Variants in ROS1 observed in about 807,000 individuals in gnomAD.
The protein encoded by ROS1 is proto-oncogene tyrosine-protein kinase ROS.
A neutral mutation model predicts 273.5 loss-of-function variants in ROS1; 263 were observed. The ratio of observed to expected loss-of-function variants is 0.96; its 90% CI spans 0.87 to 1.06. ROS1 has a LOEUF of 1.06. Among genes scored for constraint, ROS1 ranks in the 50% least tolerant of loss-of-function variants. The pLI, the probability that ROS1 is intolerant of heterozygous loss-of-function variation, is 0.00. For missense variants in ROS1, 2,833 were observed against 2,751.1 expected, an observed-to-expected ratio of 1.03 and a Z score of -0.67; for synonymous variants, 1,008 against 954.1, an observed-to-expected ratio of 1.06 and a Z score of -1.04.
At chr6:117,315,071 T>C (rs1775820036) in intron 39 of ROS1, among the ~76,000 whole-genome samples, 1 of 152,150 alleles carries the variant, frequency 6.6e-6, no homozygotes, top group South Asian at 2.1e-4. Context: ...AGTAAAATTT[T>C]GCATCTATGA....
intron 39 of ROS1, among the ~76,000 whole-genome samples, chr6:117,314,152 G>A (rs543416672): frequency 6.6e-6 from 1 of 151,988 alleles, no homozygotes; most frequent in East Asian, 1.9e-4. Flanking sequence ...AAAATTTATT[G>A]TTTAAGATGA....
chr6:117,379,239 T>C (rs1406820498), intron 17 of ROS1, 80 bp from the exon 18 acceptor site: 3 of 795,932 alleles, frequency 3.8e-6, no homozygotes, highest in African/African-American at 1.7e-5. Flanking sequence ...ACTTAAGCTA[T>C]AGATTTCTCT....
chr6:117,389,888 A>T (rs1438540516), intron 12 of ROS1, 42 bp from the exon 13 acceptor site: 1 of 1,548,586 alleles, frequency 6.5e-7, no homozygotes, highest in Non-Finnish European at 8.8e-7. Context: ...TTCAGTCCAA[A>T]GGTTGATGAG....
At position 117,326,398 on chromosome 6, in the gene ROS1, T is replaced by G. The variant is rs1191704312; in HGVS notation, c.5365A>C (p.Asn1789His). The G allele has an allele frequency of 6.5e-7, 1 of 1,548,538 alleles. No individual in the cohort carries two copies. The highest frequency in any genetic ancestry group is 8.7e-7 in the Non-Finnish European group (1 of 1,154,550). Residue 1789 changes from asparagine to histidine, a missense_variant, in exon 34 of 44, where the codon AAT becomes CAT. Coordinates refer to ENST00000368507, the MANE Select transcript of ROS1 (RefSeq NM_001378902.1). ...CACCTTAAATTCTGGTTCTGTAAAT[T>G]ATTTGAAGTGCTCTTTCTGCAAAAA... ...ILEIRKSTSNNLQNQNLRWKM... is the reference protein window; with the variant it reads ...ILEIRKSTSNHLQNQNLRWKM...
rs1017159175 is a variant in ROS1, at chr6:117,287,550, C to A, written c.*942G>T. 6.6e-6 allele frequency among the ~76,000 whole-genome samples: 1 copy of A among 152,194 alleles called. No individual in the cohort carries two copies. Among genetic ancestry groups the A allele is most frequent in the Non-Finnish European group, 1.5e-5 (1 of 68,048 alleles). ...AAAACTTCAGGACTTAAAAGATCTT[C>A]ACAGTCTTATTTTCAACATGACTGA... On this transcript the variant is annotated 3_prime_UTR_variant, in exon 44 of 44. Coordinates refer to ENST00000368507, the MANE Select transcript of ROS1 (RefSeq NM_001378902.1).
intron 1 of ROS1, 34 bp downstream of exon 1, chr6:117,425,500 C>T (rs1183600308): frequency 6.4e-7 from 1 of 1,553,612 alleles, no homozygotes; most frequent in South Asian, 1.3e-5. Context: ...TGTTCTAGTT[C>T]CTGCAAAGAC....
In ROS1 at chr6:117,353,713, C is replaced by T. The variant is rs76276210; in HGVS notation, c.4127-547G>A. On this transcript the variant is annotated intron_variant, in intron 26 of 43. Transcript: ENST00000368507. ...TCAGGAAATTGATTCAAATTTGATACGAACAAATGTAAAATCCTAAATTTA... is the reference window on the plus strand; with the variant it reads ...TCAGGAAATTGATTCAAATTTGATATGAACAAATGTAAAATCCTAAATTTA... Among the ~76,000 whole-genome samples the T allele has an allele frequency of 8.1e-3, 1,236 of 152,168 alleles. 11 individuals are homozygous for T. Among genetic ancestry groups the T allele is most frequent in the African/African-American group, 0.024 (1,015 of 41,524 alleles).
intron 39 of ROS1, among the ~76,000 whole-genome samples, chr6:117,316,757 A>G (rs1441406445): frequency 6.6e-6 from 1 of 152,130 alleles, no homozygotes; most frequent in East Asian, 1.9e-4. Flanking sequence ...TGTCAACTAG[A>G]GAGGGACATA....
At chr6:117,320,887 T>C (rs1477098092) in intron 36 of ROS1, among the ~76,000 whole-genome samples, 1 of 151,378 alleles carries the variant, frequency 6.6e-6, no homozygotes, top group Non-Finnish European at 1.5e-5. Context: ...TGGAGTAAGA[T>C]TGACTTAAGG....
chr6:117,296,062 A>G (rs749825899), intron 43 of ROS1, among the ~76,000 whole-genome samples: 1 of 152,240 alleles, frequency 6.6e-6, no homozygotes, highest in Non-Finnish European at 1.5e-5. Context: ...AGTACTGTTT[A>G]CAATAGCTAA....
intron 19 of ROS1, 32 bp from the exon 20 acceptor site, chr6:117,365,773 G>GA (rs769566002): frequency 1.4e-6 from 2 of 1,458,866 alleles, no homozygotes; most frequent in Non-Finnish European, 1.8e-6. Context: ...AGAAATAGGA[G>GA]AAAAAAATGG....
chr6:117,331,631 A>G (rs1315380441), intron 32 of ROS1, among the ~76,000 whole-genome samples: 4 of 152,224 alleles, frequency 2.6e-5, no homozygotes, highest in Admixed American at 2.6e-4. Context: ...CCATCAGACT[A>G]ACAGTGGACC....
intron 15 of ROS1, 78 bp from the exon 16 acceptor site, chr6:117,385,939 G>A: frequency 9.3e-7 from 1 of 1,079,284 alleles, no homozygotes; most frequent in South Asian, 1.4e-5. Flanking sequence ...AATCACATCT[G>A]CACCTCAACA....
At chr6:117,293,047 T>G (rs548908670) in intron 43 of ROS1, among the ~76,000 whole-genome samples, 9 of 152,332 alleles carry the variant, frequency 5.9e-5, no homozygotes, top group South Asian at 2.1e-4. Context: ...ACATGCTGCT[T>G]CTTCTATCCT....
chr6:117,415,788 C>G (rs1775291437), intron 3 of ROS1, among the ~76,000 whole-genome samples: 1 of 152,052 alleles, frequency 6.6e-6, no homozygotes, highest in Non-Finnish European at 1.5e-5. Context: ...GACCTACGGC[C>G]CTGGTATCCA....
chr6:117,315,975 C>A (rs933809530), intron 39 of ROS1, among the ~76,000 whole-genome samples: 5 of 152,072 alleles, frequency 3.3e-5, no homozygotes, highest in African/African-American at 1.2e-4. Flanking sequence ...ATTTATTAAA[C>A]TAGCCTGAGA....
At chr6:117,321,175 G>A (rs2128562831) in intron 36 of ROS1, 84 bp downstream of exon 36, 1 of 1,441,272 alleles carries the variant, frequency 6.9e-7, no homozygotes, top group Non-Finnish European at 9.4e-7. Flanking sequence ...GACTGTCTTG[G>A]GCAATGCGGA....
rs76039658 is a variant in ROS1, at chr6:117,329,320, C to T, written c.5348+9G>A. 1.7e-4 allele frequency: 219 copies of T among 1,256,246 alleles called. No homozygotes were observed. The African/African-American group carries it at 3.0e-3, about 17-fold the overall frequency. The allele number at this position is 1,256,246 out of a possible 1,614,324, so 77.8% of individuals were successfully genotyped here. A position where few individuals can be genotyped will look rare whatever the true frequency, so the allele number is the denominator to read the frequency against. ...TTGTCATTTACAAGTACTTTGCAAA[C>T]ACACATACCTTATCTCAAGGATATA... On this transcript the variant is annotated intron_variant, in intron 33 of 43. Coordinates refer to ENST00000368507, the MANE Select transcript of ROS1 (RefSeq NM_001378902.1).
chr6:117,318,653 T>A (rs572001133), intron 37 of ROS1, among the ~76,000 whole-genome samples: 1 of 152,264 alleles, frequency 6.6e-6, no homozygotes, highest in South Asian at 2.1e-4. Flanking sequence ...GAAAATTGTA[T>A]TCTAAAATTC....
Sources: gnomAD v4.1 joint callset for allele counts (sites outside exome capture counted in the v4.1 genomes callset) on GRCh38, gnomAD v4.1.1 for gene constraint, MANE v1.5 for transcripts, NCBI Gene and HGNC (gene_info 2026-07-23, HGNC 2026-07-21) for gene names.